The following HJV variants were observed in gnomAD, a reference collection of about 807,000 sequenced individuals.
The protein encoded by HJV is hemojuvelin.
In HJV, 18 loss-of-function variants were observed where a neutral mutation model predicts 22.7. The ratio of observed to expected loss-of-function variants is 0.79; its 90% CI spans 0.55 to 1.18. The LOEUF is 1.18. Ranked by LOEUF, HJV falls within the 50% of genes most tolerant of loss-of-function variation. The probability of loss-of-function intolerance (pLI) is 0.00; values close to 1 mark genes in which losing one functional copy is unlikely to be tolerated. For missense variants in HJV, 572 were observed against 553.0 expected, an observed-to-expected ratio of 1.03 and a Z score of -0.34; for synonymous variants, 229 against 222.7, an observed-to-expected ratio of 1.03 and a Z score of -0.25.
Position 146,020,191 on chromosome 1 carries a change from T to C in HJV, c.41A>G (p.His14Arg). Residue 14 changes from histidine to arginine, a missense_variant, in exon 2 of 4, where the codon CAT (histidine) becomes CGT (arginine). By Grantham distance (29) the His-to-Arg change is conservative. Coordinates refer to ENST00000336751, the MANE Select transcript of HJV (RefSeq NM_213653.4). ...AGTGCTTAGAGTTGGGGGACTGCCATGGGAGGACCTGGGACTAGGGGACTG... is the reference window on the plus strand; with the variant it reads ...AGTGCTTAGAGTTGGGGGACTGCCACGGGAGGACCTGGGACTAGGGGACTG... The part of the protein sequence containing the change: ...PGQSPSPRSS[H>R]GSPPTLSTLT... 1 of 1,613,344 alleles carries C rather than the reference T, an allele frequency of 6.2e-7. No homozygotes were observed. The highest frequency in any genetic ancestry group is 8.5e-7 in the Non-Finnish European group (1 of 1,179,372).
chr1:146,019,612 C>T lies in HJV; in HGVS notation c.220G>A (p.Val74Met), dbSNP rs1553769757. Reference sequence around the variant, plus strand: ...GCTCGACAGAGGCCGCCAGAGCCCACCCCTCCACCCCGGCCTCCTCCTCCT... The same window carrying T: ...GCTCGACAGAGGCCGCCAGAGCCCATCCCTCCACCCCGGCCTCCTCCTCCT... The part of the protein sequence containing the change: ...GGGGGGRGGG[V>M]GSGGLCRALR... The change falls in exon 3 of 4, where the codon GTG (valine) becomes ATG (methionine). Residue 74 changes from valine (V) to methionine (M), a missense_variant. Val to Met is a conservative substitution (Grantham distance 21). Transcript: ENST00000336751. 6.2e-7 allele frequency: 1 copy of T among 1,613,646 alleles called. No individual in the cohort carries two copies. Among genetic ancestry groups the T allele is most frequent in the Admixed American group, 1.7e-5 (1 of 60,020 alleles).
In HJV at chr1:146,018,123, G is replaced by A. The variant is rs1553769360; in HGVS notation, c.1235C>T (p.Ala412Val). 1 of 1,614,174 alleles carries A rather than the reference G, an allele frequency of 6.2e-7. No homozygotes were observed. The highest frequency in any genetic ancestry group is 1.1e-5 in the South Asian group (1 of 91,078). The change falls in exon 4 of 4, where the codon GCT becomes GTT. Residue 412 changes from alanine to valine, a missense_variant. By Grantham distance (64) the Ala-to-Val change is moderately conservative (BLOSUM62 0). Coordinates refer to ENST00000336751, the MANE Select transcript of HJV (RefSeq NM_213653.4). ...AACAAAGAGCCCAGAAAGGAGTGGA[G>A]CTAAGAGGGTTGCTGAGGAAAGAGG... ...GVPLSSATLL[A>V]PLLSGLFVLW...
rs1559279795 is a variant in HJV at position 146,019,281 on chromosome 1, G to A, written c.551C>T (p.Thr184Ile). ...AGGCCAAGCTCCTTGGACACGGCATGTGTGAAAGTGATGGTGGAAGCTGCG... is the reference window on the plus strand; with the variant it reads ...AGGCCAAGCTCCTTGGACACGGCATATGTGAAAGTGATGGTGGAAGCTGCG... ...HVRSFHHHFH[T>I]CRVQGAWPLL... Residue 184 changes from threonine to isoleucine, a missense_variant, in exon 3 of 4, where the codon ACA becomes ATA. By Grantham distance (89) the Thr-to-Ile change is moderately conservative (BLOSUM62 -1). Coordinates refer to ENST00000336751, the MANE Select transcript of HJV (RefSeq NM_213653.4). 4.3e-6 allele frequency: 7 copies of A among 1,613,970 alleles called. No individual in the cohort carries two copies. The highest frequency in any genetic ancestry group is 5.9e-6 in the Non-Finnish European group (7 of 1,180,034).
chr1:146,018,750 C>A (rs1553769546), intron 3 of HJV, 50 bp from the exon 4 acceptor site: 1 of 1,591,302 alleles, frequency 6.3e-7, no homozygotes, highest in African/African-American at 1.3e-5. Context: ...GTGCATCTTC[C>A]CCCCAATCAG....
At chr1:146,020,017 G>T (rs924498149) in intron 2 of HJV, 118 bp downstream of exon 2, 2 of 851,008 alleles carry the variant, frequency 2.4e-6, no homozygotes, top group African/African-American at 1.7e-5. Flanking sequence ...TGAGAGCAGG[G>T]CGAGTGATCG....
In HJV at chr1:146,020,278, A is replaced by G; in HGVS notation, c.-47T>C. The stretch of plus-strand genomic sequence containing the variant: ...AGGCGCCGGTTCTTCCCAGCTGATG[A>G]CCCTCCTACCTAGTGAATTTTGACC... On this transcript the variant is annotated 5_prime_UTR_variant, in exon 2 of 4. Transcript: ENST00000336751. The G allele has an allele frequency of 1.7e-6, 2 of 1,196,714 alleles. No homozygotes were observed. Among genetic ancestry groups the G allele is most frequent in the Non-Finnish European group, 2.5e-6 (2 of 799,220 alleles). 74.1% of individuals were successfully genotyped at this position (1,196,714 alleles called of 1,614,324 possible).
chr1:146,019,711 G>C lies in HJV; in HGVS notation c.121C>G (p.Arg41Gly). 6.2e-7 allele frequency: 1 copy of C among 1,614,004 alleles called. No individual in the cohort carries two copies. The highest frequency in any genetic ancestry group is 8.5e-7 in the Non-Finnish European group (1 of 1,179,950). ...GACGATACGTACTCAGCATTGCAGC[G>C]GAGGATCTTGCATTGAGAATGAGCT... ...GHAHSQCKILRCNAEYVSSTL... is the reference protein window; with the variant it reads ...GHAHSQCKILGCNAEYVSSTL... The change falls in exon 3 of 4, where the codon CGC becomes GGC. Residue 41 changes from arginine to glycine, a missense_variant. Arg to Gly is a moderately radical substitution (Grantham distance 125). Coordinates refer to ENST00000336751, the MANE Select transcript of HJV (RefSeq NM_213653.4).
Position 146,018,697 on chromosome 1 carries a change from T to A in HJV, c.661A>T (p.Thr221Ser). ...TCCTGCATGTTCTTAAATATGATGG[T>A]GAGCTGTGAGGACAAGAGGGAAAAC... ...GANATATRKL[T>S]IIFKNMQECI... The change falls in exon 4 of 4, where the codon ACC becomes TCC. Residue 221 changes from threonine to serine, a missense_variant. Transcript: ENST00000336751. 1 of 1,614,078 alleles carries A rather than the reference T, an allele frequency of 6.2e-7. No homozygotes were observed. Among genetic ancestry groups the A allele is most frequent in the South Asian group, 1.1e-5 (1 of 91,084 alleles).
At position 146,019,596 on chromosome 1, in the gene HJV, A is replaced by G; in HGVS notation, c.236T>C (p.Leu79Pro). 3.1e-6 allele frequency: 5 copies of G among 1,613,640 alleles called. No individual in the cohort carries two copies. Among genetic ancestry groups the G allele is most frequent in the Non-Finnish European group, 4.2e-6 (5 of 1,180,002 alleles). The change falls in exon 3 of 4, where the codon CTC becomes CCC. Residue 79 changes from leucine to proline, a missense_variant. Transcript: ENST00000336751. ...CGCATAGGAGCGGAGGGCTCGACAG[A>G]GGCCGCCAGAGCCCACCCCTCCACC... Reference protein sequence around the residue: ...GRGGGVGSGGLCRALRSYALC... With the variant: ...GRGGGVGSGGPCRALRSYALC...
intron 1 of HJV, 143 bp downstream of exon 1, chr1:146,021,444 G>A (rs1652734607): frequency 6.5e-6 from 1 of 152,676 alleles, no homozygotes; most frequent in Non-Finnish European, 1.5e-5. Context: ...AAGACAGAAA[G>A]AGAAATGGAG....
At position 146,018,424 on chromosome 1, in the gene HJV, G is replaced by A. The variant is rs1553769459; in HGVS notation, c.934C>T (p.Gln312Ter). 2 of 1,614,164 alleles carry A rather than the reference G, an allele frequency of 1.2e-6. No homozygotes were observed. Among genetic ancestry groups the A allele is most frequent in the East Asian group, 2.2e-5 (1 of 44,888 alleles). The change falls in exon 4 of 4, where the codon CAG becomes TAG. Residue 312 changes from glutamine to a stop codon, truncating the protein, a stop_gained. Coordinates refer to ENST00000336751, the MANE Select transcript of HJV (RefSeq NM_213653.4). LOFTEE classifies it high-confidence loss of function. ...CCCCCAACACAGAGCTGCAGGTCCTGTTCAGCTGAGAAGGCCATGGCCACA... is the reference window on the plus strand; with the variant it reads ...CCCCCAACACAGAGCTGCAGGTCCTATTCAGCTGAGAAGGCCATGGCCACA... ...EDVAMAFSAE[Q>*]DLQLCVGGCP... is the part of the protein sequence containing the mutation.
In HJV at chr1:146,018,405, A is replaced by G. The variant is rs1652473788; in HGVS notation, c.953T>C (p.Val318Ala). 6.2e-7 allele frequency: 1 copy of G among 1,614,144 alleles called. No individual in the cohort carries two copies. Among genetic ancestry groups the G allele is most frequent in the Non-Finnish European group, 8.5e-7 (1 of 1,180,034 alleles). The change falls in exon 4 of 4, where the codon GTT (valine) becomes GCT (alanine). Residue 318 changes from valine to alanine, a missense_variant. Transcript: ENST00000336751. The stretch of plus-strand genomic sequence containing the variant: ...TCGCTGACTTGGAGGGCACCCCCCA[A>G]CACAGAGCTGCAGGTCCTGTTCAGC... ...FSAEQDLQLC[V>A]GGCPPSQRLS...
Position 146,018,579 on chromosome 1 carries a change from C to A in HJV, c.779G>T (p.Gly260Val). The A allele has an allele frequency of 6.2e-7, 1 of 1,614,182 alleles. No individual in the cohort carries two copies. The highest frequency in any genetic ancestry group is 8.5e-7 in the Non-Finnish European group (1 of 1,180,032). ...GSINGGDRPG[G>V]SSLSIQTANP... ...AGCAGTTTGAATCGACAAACTGGAT[C>A]CCCCAGGTCGGTCACCTCCATTGAT... The change falls in exon 4 of 4, where the codon GGA becomes GTA. Residue 260 changes from glycine to valine, a missense_variant. Gly to Val is a moderately radical substitution (Grantham distance 109). Transcript: ENST00000336751.
chr1:146,019,725 T>C lies in HJV; in HGVS notation c.107A>G (p.Gln36Arg), dbSNP rs782083291. The change falls in exon 3 of 4, where the codon CAA becomes CGA. Residue 36 changes from glutamine (Q) to arginine (R), a missense_variant. Transcript: ENST00000336751. ...LLLLCGHAHS[Q>R]CKILRCNAEY... ...AGCATTGCAGCGGAGGATCTTGCAT[T>C]GAGAATGAGCTAAAGACAGAAGGGA... The C allele has an allele frequency of 4.3e-6, 7 of 1,613,944 alleles. No individual in the cohort carries two copies.
rs782007807 is a variant in HJV at position 146,019,189 on chromosome 1, T to C, written c.643A>G (p.Thr215Ala). The change falls in exon 3 of 4, where the codon ACC (threonine) becomes GCC (alanine). Residue 215 changes from threonine (T) to alanine (A), a missense_variant. By Grantham distance (58) the Thr-to-Ala change is moderately conservative (BLOSUM62 0). Coordinates refer to ENST00000336751, the MANE Select transcript of HJV (RefSeq NM_213653.4). ...GAGTGCCTGACCTTCCGGGTGGCGG[T>C]AGCGTTGGCCCCCAACGCCATGGGG... ...SSPMALGANA[T>A]ATRKLTIIFK... is the part of the protein sequence containing the mutation. 4 of 1,614,014 alleles carry C rather than the reference T, an allele frequency of 2.5e-6. No homozygotes were observed. The highest frequency in any genetic ancestry group is 1.7e-5 in the Admixed American group (1 of 60,022).
At chr1:146,019,093 T>C (rs1336935286) in intron 3 of HJV, 82 bp downstream of exon 3, 8 of 1,133,580 alleles carry the variant, frequency 7.1e-6, no homozygotes, top group African/African-American at 4.6e-5. Flanking sequence ...GGAGCATTGC[T>C]GTTGAATAGT....
At chr1:146,020,467 A>G (rs1652659829) in intron 1 of HJV, 147 bp from the exon 2 acceptor site, 13 of 481,632 alleles carry the variant, frequency 2.7e-5, no homozygotes, top group South Asian at 2.6e-4. Context: ...TAAGTGTGGC[A>G]GTTAAGCCTC....
Position 146,017,760 on chromosome 1 carries a change from G to T in HJV, c.*317C>A. 6.1e-6 allele frequency: 2 copies of T among 326,580 alleles called. No individual in the cohort carries two copies. The highest frequency in any genetic ancestry group is 6.0e-6 in the Non-Finnish European group (1 of 166,450). The allele number at this position is 326,580 out of a possible 1,614,324, so 20.2% of individuals were successfully genotyped here. A position where few individuals can be genotyped will look rare whatever the true frequency, so the allele number is the denominator to read the frequency against. ...AAATCTCAACCCTTAAATCTTTACT[G>T]ATCATTAAAACCTTCATGACCTCTA... On this transcript the variant is annotated 3_prime_UTR_variant, in exon 4 of 4. Transcript: ENST00000336751.
At position 146,018,567 on chromosome 1, in the gene HJV, G is replaced by C; in HGVS notation, c.791C>G (p.Ser264Trp). The C allele has an allele frequency of 1.2e-6, 2 of 1,614,138 alleles. No individual in the cohort carries two copies. The highest frequency in any genetic ancestry group is 8.5e-7 in the Non-Finnish European group (1 of 1,180,028). The part of the protein sequence containing the change: ...GGDRPGGSSL[S>W]IQTANPGNHV... ...GTTCCCAGGGTTAGCAGTTTGAATC[G>C]ACAAACTGGATCCCCCAGGTCGGTC... is the stretch of plus-strand genomic sequence containing the variant. Residue 264 changes from serine to tryptophan, a missense_variant, in exon 4 of 4, where the codon TCG (serine) becomes TGG (tryptophan). By Grantham distance (177) the Ser-to-Trp change is radical. Transcript: ENST00000336751.
Sources: allele counts gnomAD v4.1 joint callset, GRCh38; gene constraint gnomAD v4.1.1; transcripts MANE v1.5; gene names NCBI Gene and HGNC (gene_info 2026-07-23, HGNC 2026-07-21).